The following KLHL5 variants were observed in gnomAD, a reference collection of about 807,000 sequenced individuals.
The protein encoded by KLHL5 is kelch like family member 5, also known as kelch-like protein 5.
A neutral mutation model predicts 77.7 loss-of-function variants in KLHL5; 48 were observed. The ratio of observed to expected loss-of-function variants is 0.62; its 90% CI spans 0.49 to 0.79. KLHL5 has a LOEUF of 0.79. Ranked by LOEUF, KLHL5 falls within the 30% of genes least tolerant of loss-of-function variation. The probability of loss-of-function intolerance (pLI) is 0.00; values close to 1 mark genes in which losing one functional copy is unlikely to be tolerated. For synonymous variants in KLHL5, 260 were observed against 297.0 expected, an observed-to-expected ratio of 0.88 and a Z score of 1.28; for missense variants, 723 against 859.7, an observed-to-expected ratio of 0.84 and a Z score of 1.99.
At chr4:39,105,239 T>C (rs552401426) in intron 7 of KLHL5, among the ~76,000 whole-genome samples, 2 of 151,860 alleles carry the variant, frequency 1.3e-5, no homozygotes, top group South Asian at 4.2e-4. Flanking sequence ...CTCTTCCTCC[T>C]GGGCTAAAGC....
intron 1 of KLHL5, among the ~76,000 whole-genome samples, chr4:39,050,846 A>G (rs1340397333): frequency 2.6e-5 from 4 of 152,232 alleles, no homozygotes; most frequent in African/African-American, 9.6e-5. Flanking sequence ...AGAAGGTATA[A>G]CTGGATCTGA....
intron 10 of KLHL5, chr4:39,115,645 G>T: frequency 1.5e-6 from 2 of 1,334,344 alleles, no homozygotes; most frequent in Non-Finnish European, 9.5e-7. Context: ...AGGGGAGACT[G>T]GAAAATAAAA....
At position 39,118,617 on chromosome 4, in the gene KLHL5, G is replaced by A. The variant is rs141456766; in HGVS notation, c.2074-2393G>A. On this transcript the variant is annotated intron_variant, in intron 10 of 10. Transcript: ENST00000504108. ...CTAAAAATACAAAAGTTAGCTGGGC[G>A]TGGTGGCGTGCACCTATAATCCCAG... Among the ~76,000 whole-genome samples the A allele has an allele frequency of 4.0e-3, 616 of 152,184 alleles. 5 individuals are homozygous for A. The highest frequency in any genetic ancestry group is 0.014 in the African/African-American group (587 of 41,514).
chr4:39,045,698 A>G (rs1416082228), intron 1 of KLHL5, among the ~76,000 whole-genome samples: 2 of 152,004 alleles, frequency 1.3e-5, no homozygotes, highest in South Asian at 2.1e-4. Flanking sequence ...AAAGTTTGCT[A>G]TGTCAGAGAG....
intron 10 of KLHL5, chr4:39,115,893 C>G (rs1018570709): frequency 1.3e-4 from 125 of 990,168 alleles, no homozygotes; most frequent in Non-Finnish European, 1.3e-4. Flanking sequence ...CTTTTGAGAT[C>G]TTTGCTTCCA....
At chr4:39,108,895 C>T (rs575358895) in intron 8 of KLHL5, among the ~76,000 whole-genome samples, 14 of 152,258 alleles carry the variant, frequency 9.2e-5, no homozygotes, top group Non-Finnish European at 1.8e-4. Flanking sequence ...ACTGCCTTCT[C>T]TAAAACCTGA....
chr4:39,126,816 C>A, downstream of KLHL5: 1 of 437,964 alleles, frequency 2.3e-6, no homozygotes, highest in Non-Finnish European at 4.5e-6. Flanking sequence ...TATCTAAAGC[C>A]GGCATCTTGT....
chr4:39,069,471 T>TATAC (rs1319540944), intron 1 of KLHL5, among the ~76,000 whole-genome samples: 1 of 69,902 alleles, frequency 1.4e-5, no homozygotes, highest in African/African-American at 4.5e-5. Context: ...TATATATATA[T>TATAC]ATACACACAC....
upstream of KLHL5, among the ~76,000 whole-genome samples, chr4:39,059,985 G>A (rs1301015658): frequency 2.0e-5 from 3 of 152,106 alleles, no homozygotes; most frequent in Non-Finnish European, 4.4e-5. Context: ...AGCCTCACAA[G>A]GATGTTTCTT....
At chr4:39,089,920 T>C (rs1263494891) in intron 5 of KLHL5, among the ~76,000 whole-genome samples, 1 of 152,202 alleles carries the variant, frequency 6.6e-6, no homozygotes, top group Non-Finnish European at 1.5e-5. Flanking sequence ...TTTAAACAAG[T>C]TACTTTACCT....
At chr4:39,082,527 A>G (rs1719705705) in intron 4 of KLHL5, among the ~76,000 whole-genome samples, 2 of 152,226 alleles carry the variant, frequency 1.3e-5, no homozygotes, top group South Asian at 2.1e-4. Flanking sequence ...AATTGGTGAC[A>G]GAGGTTGCAG....
chr4:39,060,105 T>G (rs1042590591), upstream of KLHL5, among the ~76,000 whole-genome samples: 1 of 152,220 alleles, frequency 6.6e-6, no homozygotes, highest in Non-Finnish European at 1.5e-5. Flanking sequence ...AAATATCATG[T>G]AACTCTTAAA....
intron 9 of KLHL5, among the ~76,000 whole-genome samples, chr4:39,114,549 T>TA (rs1005988150): frequency 3.3e-4 from 51 of 152,346 alleles, no homozygotes; most frequent in African/African-American, 1.2e-3. Context: ...GCAGGAAAGT[T>TA]ACAACTGCAT....
At position 39,123,543 on chromosome 4, in the gene KLHL5, A is replaced by T. The variant is rs996274854; in HGVS notation, c.*2477A>T. Among the ~76,000 whole-genome samples, 2 of 152,232 alleles carry T rather than the reference A, an allele frequency of 1.3e-5. No individual in the cohort carries two copies. Among genetic ancestry groups the T allele is most frequent in the African/African-American group, 4.8e-5 (2 of 41,468 alleles). On this transcript the variant is annotated 3_prime_UTR_variant, in exon 11 of 11. Coordinates refer to ENST00000504108, the MANE Select transcript of KLHL5 (RefSeq NM_015990.5). The stretch of plus-strand genomic sequence containing the variant: ...TGAGATTTATCAAAGAAATGCAGGG[A>T]TGGTTCTACATACAAATGTCAATCG...
chr4:39,088,006 A>G (rs1462726550), intron 5 of KLHL5, among the ~76,000 whole-genome samples: 7 of 152,228 alleles, frequency 4.6e-5, no homozygotes, highest in African/African-American at 1.7e-4. Flanking sequence ...TGTGTTGATG[A>G]TAATTCAGGA....
rs541412164 is a variant in KLHL5 at position 39,123,509 on chromosome 4, A to T, written c.*2443A>T. Among the ~76,000 whole-genome samples, 11 of 152,354 alleles carry T rather than the reference A, an allele frequency of 7.2e-5. No individual in the cohort carries two copies. In the Middle Eastern group the frequency reaches 0.02, roughly 283 times the overall value. The stretch of plus-strand genomic sequence containing the variant: ...CAGCTTATTAAAATGATCACACAGC[A>T]TGACCAAGTGAGATTTATCAAAGAA... On this transcript the variant is annotated 3_prime_UTR_variant, in exon 11 of 11. Coordinates refer to ENST00000504108, the MANE Select transcript of KLHL5 (RefSeq NM_015990.5).
At chr4:39,096,949 C>A in intron 6 of KLHL5, 71 bp downstream of exon 6, 1 of 1,264,924 alleles carries the variant, frequency 7.9e-7, no homozygotes, top group Non-Finnish European at 1.1e-6. Context: ...TATATATGGC[C>A]AAAGAACTCT....
chr4:39,130,101 T>C (rs1006397581), downstream of KLHL5, among the ~76,000 whole-genome samples: 2 of 152,136 alleles, frequency 1.3e-5, no homozygotes, highest in African/African-American at 4.8e-5. Context: ...ATTAAAGACA[T>C]ATACGCAGAA....
intron 5 of KLHL5, 48 bp from the exon 6 acceptor site, chr4:39,096,644 T>TACC (rs1395767327): frequency 7.7e-7 from 1 of 1,306,800 alleles, no homozygotes; most frequent in Non-Finnish European, 1.1e-6. Flanking sequence ...CTGTAAACCC[T>TACC]ACCATTTTCT....
Sources: gnomAD v4.1 joint callset for allele counts (sites outside exome capture counted in the v4.1 genomes callset) on GRCh38, gnomAD v4.1.1 for gene constraint, MANE v1.5 for transcripts, NCBI Gene and HGNC (gene_info 2026-07-23, HGNC 2026-07-21) for gene names.